LOC400499: variants seen among roughly 807,000 people sequenced by gnomAD.
the LOC400499 span, among the ~76,000 whole-genome samples, chr16:11,504,919 T>C: frequency 1.3e-5 from 2 of 150,926 alleles, no homozygotes; most frequent in South Asian, 2.1e-4. Flanking sequence ...CAAGACCCTG[T>C]CTCGAAAAAA....
the LOC400499 span, among the ~76,000 whole-genome samples, chr16:11,487,846 T>C: frequency 1.3e-5 from 2 of 152,148 alleles, no homozygotes; most frequent in African/African-American, 4.8e-5. Context: ...CCAGGCACAG[T>C]GGCTCATGCC....
At chr16:11,507,823 A>G in the LOC400499 span, among the ~76,000 whole-genome samples, 1 of 150,182 alleles carries the variant, frequency 6.7e-6, no homozygotes, top group Non-Finnish European at 1.5e-5. Context: ...AGTCCCAGGT[A>G]CTCTGGAGGC....
chr16:11,507,466 A>G, the LOC400499 span, among the ~76,000 whole-genome samples: 1 of 152,208 alleles, frequency 6.6e-6, no homozygotes, highest in Admixed American at 6.5e-5. Context: ...GCCCAGCTCT[A>G]TCACTTGCTA....
chr16:11,490,368 C>T, the LOC400499 span, among the ~76,000 whole-genome samples: 5 of 145,454 alleles, frequency 3.4e-5, no homozygotes, highest in Non-Finnish European at 6.0e-5. Context: ...TGCACTCCAG[C>T]CTGGGCAACA....
chr16:11,520,664 CAAAAAAAAAAAAA>C, the LOC400499 span, among the ~76,000 whole-genome samples: 34 of 63,152 alleles, frequency 5.4e-4, no homozygotes, highest in South Asian at 0.018. Context: ...GAGACTCCAT[CAAAAAAAAAAAAA>C]AAAAAAAAAA....
chr16:11,481,691 G>A, the LOC400499 span, among the ~76,000 whole-genome samples: 1 of 151,928 alleles, frequency 6.6e-6, no homozygotes, highest in Non-Finnish European at 1.5e-5. Context: ...GGAGTGCAGT[G>A]GTGCTATCTT....
At chr16:11,484,965 C>A in the LOC400499 span, 3 of 399,146 alleles carry the variant, frequency 7.5e-6, no homozygotes, top group African/African-American at 2.1e-5. Flanking sequence ...GGTTCTGGCC[C>A]TGGGGGTTCC....
At chr16:11,525,460 C>T in the LOC400499 span, among the ~76,000 whole-genome samples, 2 of 152,176 alleles carry the variant, frequency 1.3e-5, no homozygotes, top group Admixed American at 1.3e-4. Flanking sequence ...ACAAAACCCT[C>T]TTTGCATTCA....
chr16:11,387,186 G>T, the LOC400499 span: 2 of 1,232,116 alleles, frequency 1.6e-6, no homozygotes. Flanking sequence ...GACAGCTCTC[G>T]GAGCGGCCGC....
At chr16:11,413,538 G>T in the LOC400499 span, among the ~76,000 whole-genome samples, 1 of 152,174 alleles carries the variant, frequency 6.6e-6, no homozygotes, top group African/African-American at 2.4e-5. Flanking sequence ...GTCAGGGCAT[G>T]GCCCCATGTG....
chr16:11,399,391 G>C, the LOC400499 span: 1 of 584,608 alleles, frequency 1.7e-6, no homozygotes, highest in Non-Finnish European at 2.5e-6. Flanking sequence ...CCAGGACCAC[G>C]TGGCCCCAGA....
chr16:11,506,325 A>T, the LOC400499 span, among the ~76,000 whole-genome samples: 1 of 152,184 alleles, frequency 6.6e-6, no homozygotes, highest in Non-Finnish European at 1.5e-5. Context: ...GAGCCTGGCC[A>T]CAACTTAATG....
At chr16:11,385,050 T>G in the LOC400499 span, 1 of 1,232,106 alleles carries the variant, frequency 8.1e-7, no homozygotes, top group Non-Finnish European at 1.0e-6. Flanking sequence ...AGGGAGGAGT[T>G]GTACAGCCTG....
the LOC400499 span, among the ~76,000 whole-genome samples, chr16:11,461,629 AG>A: frequency 5.9e-5 from 9 of 152,354 alleles, no homozygotes; most frequent in Non-Finnish European, 1.2e-4. Context: ...TCTGAGACAC[AG>A]AAGGTCAGCC....
chr16:11,491,947 G>C, the LOC400499 span: 2 of 395,970 alleles, frequency 5.1e-6, no homozygotes, highest in East Asian at 3.6e-5. Context: ...CCTAGCCCCA[G>C]CTGTCCTGAT....
At chr16:11,502,060 C>G in the LOC400499 span, 3 of 399,110 alleles carry the variant, frequency 7.5e-6, no homozygotes, top group Non-Finnish European at 1.3e-5. Context: ...CATCCCCCAC[C>G]CGGAGAGGGA....
chr16:11,519,282 G>A, the LOC400499 span, among the ~76,000 whole-genome samples: 2 of 152,204 alleles, frequency 1.3e-5, no homozygotes, highest in East Asian at 3.8e-4. Context: ...ATGTTACATT[G>A]TAGAGCAGAC....
At chr16:11,511,661 G>A in the LOC400499 span, among the ~76,000 whole-genome samples, 4 of 152,222 alleles carry the variant, frequency 2.6e-5, no homozygotes, top group East Asian at 5.8e-4. Flanking sequence ...AAGTAGTTGA[G>A]TGGCTGCCAG....
the LOC400499 span, among the ~76,000 whole-genome samples, chr16:11,395,775 A>G: frequency 6.6e-6 from 1 of 152,176 alleles, no homozygotes; most frequent in Non-Finnish European, 1.5e-5. Flanking sequence ...AGGGAGACAG[A>G]GGAGGTGGAT....
Sources: gnomAD v4.1 joint callset for allele counts (sites outside exome capture counted in the v4.1 genomes callset) on GRCh38, gnomAD v4.1.1 for gene constraint, MANE v1.5 for transcripts.